Variants in SLC24A1 observed in about 807,000 individuals in gnomAD.
The protein encoded by SLC24A1 is solute carrier family 24 member 1.
In SLC24A1, 52 loss-of-function variants were observed where a neutral mutation model predicts 88.1. The ratio of observed to expected loss-of-function variants is 0.59; its 90% CI spans 0.47 to 0.74. The LOEUF (loss-of-function observed/expected upper bound fraction) is 0.74. Ranked by LOEUF, SLC24A1 falls within the 30% of genes least tolerant of loss-of-function variation. The probability of loss-of-function intolerance (pLI) is 0.00; values close to 1 mark genes in which losing one functional copy is unlikely to be tolerated. For missense variants in SLC24A1, 1,173 were observed against 1,363.3 expected, an observed-to-expected ratio of 0.86 and a Z score of 2.20; for synonymous variants, 455 against 498.0, an observed-to-expected ratio of 0.91 and a Z score of 1.15.
At chr15:65,615,613 G>A (rs1361133946) in intron 2 of SLC24A1, among the ~76,000 whole-genome samples, 1 of 152,000 alleles carries the variant, frequency 6.6e-6, no homozygotes, top group Non-Finnish European at 1.5e-5. Context: ...TCCGGGAGGT[G>A]GAGGTTGCAG....
intron 6 of SLC24A1, among the ~76,000 whole-genome samples, chr15:65,649,959 A>G (rs980667697): frequency 6.6e-6 from 1 of 152,216 alleles, no homozygotes; most frequent in Non-Finnish European, 1.5e-5. Flanking sequence ...TCACCAGGAT[A>G]GGGAGGAGGC....
chr15:65,653,687 T>C, intron 9 of SLC24A1, 143 bp from the exon 10 acceptor site: 2 of 810,532 alleles, frequency 2.5e-6, no homozygotes, highest in Non-Finnish European at 3.9e-6. Flanking sequence ...TTTCCTTGTC[T>C]GTGAAATGGG....
intron 6 of SLC24A1, among the ~76,000 whole-genome samples, chr15:65,646,071 C>T (rs754573711): frequency 3.9e-5 from 6 of 152,230 alleles, no homozygotes; most frequent in Non-Finnish European, 5.9e-5. Context: ...GAAGGCTTTC[C>T]AACCTTCTGA....
downstream of SLC24A1, chr15:65,659,147 T>C (rs1012927844): frequency 6.6e-5 from 10 of 152,086 alleles, no homozygotes; most frequent in African/African-American, 2.4e-4. Flanking sequence ...ACATGGTTTA[T>C]TGTCAACCAT....
intron 3 of SLC24A1, 52 bp from the exon 4 acceptor site, chr15:65,639,543 T>C (rs1260860634): frequency 1.7e-6 from 2 of 1,178,434 alleles, no homozygotes; most frequent in African/African-American, 3.2e-5. Context: ...CCTCGTGTGG[T>C]TCCTCCCCTG....
chr15:65,625,300 C>T lies in SLC24A1; in HGVS notation c.1220C>T (p.Pro407Leu), dbSNP rs370564324. 9.3e-6 allele frequency: 15 copies of T among 1,614,006 alleles called. No homozygotes were observed. The highest frequency in any genetic ancestry group is 2.7e-5 in the African/African-American group (2 of 75,048). The stretch of plus-strand genomic sequence containing the variant: ...CCAACCCCAGCCATGCTCACCACTC[C>T]CTCCCCAAGCCTCACAACAGCCCTG... ...VKPTPAMLTT[P>L]SPSLTTALLP... is the part of the protein sequence containing the mutation. Residue 407 changes from proline to leucine, a missense_variant, in exon 2 of 10, where the codon CCC becomes CTC. Physicochemically the swap from Pro to Leu is moderately conservative, Grantham distance 98 (BLOSUM62 -3). Transcript: ENST00000261892.
At chr15:65,644,086 C>A in intron 4 of SLC24A1, 1 of 284,682 alleles carries the variant, frequency 3.5e-6, no homozygotes, top group Non-Finnish European at 6.9e-6. Flanking sequence ...CCCAAGCAGG[C>A]CATCACTTGA....
downstream of SLC24A1, among the ~76,000 whole-genome samples, chr15:65,656,607 G>A (rs1190111352): frequency 1.3e-5 from 2 of 152,154 alleles, no homozygotes; most frequent in Non-Finnish European, 2.9e-5. Flanking sequence ...AGAATATTCT[G>A]TATATAGTTA....
chr15:65,654,121 A>G lies in SLC24A1; in HGVS notation c.*42A>G, dbSNP rs903197275. 4.4e-6 allele frequency: 7 copies of G among 1,588,062 alleles called. No individual in the cohort carries two copies. The African/African-American group carries it at 9.4e-5, about 21-fold the overall frequency. On this transcript the variant is annotated 3_prime_UTR_variant, in exon 10 of 10. Transcript: ENST00000261892. ...CACAATGGGCATGGATCAGAAGACC[A>G]TGCAGAAGTTACTGTATCTCTTGTG...
intron 9 of SLC24A1, among the ~76,000 whole-genome samples, chr15:65,653,616 C>T (rs892767300): frequency 5.3e-5 from 8 of 151,970 alleles, no homozygotes; most frequent in Non-Finnish European, 1.2e-4. Flanking sequence ...CAGTTTTAAC[C>T]TAAGCTCTTC....
rs115294400 is a variant in SLC24A1 at position 65,653,400 on chromosome 15, C to T, written c.3051-430C>T. On this transcript the variant is annotated intron_variant, in intron 9 of 9. Transcript: ENST00000261892. ...GAGGGGCAGCTAAAAAGGCAGCCCT[C>T]ATCACTAAAGAATTAAAAGAAATGT... is the stretch of plus-strand genomic sequence containing the variant. Among the ~76,000 whole-genome samples, 964 of 151,854 alleles carry T rather than the reference C, an allele frequency of 6.3e-3. 10 individuals are homozygous for T. Among genetic ancestry groups the T allele is most frequent in the African/African-American group, 0.022 (924 of 41,402 alleles).
At chr15:65,657,123 G>A (rs1056317232), downstream of SLC24A1, among the ~76,000 whole-genome samples, 4 of 151,956 alleles carry the variant, frequency 2.6e-5, no homozygotes, top group South Asian at 2.1e-4. Flanking sequence ...TGCCCGCCTC[G>A]GCCTCCCAAA....
At chr15:65,614,628 C>T (rs1386974363) in intron 2 of SLC24A1, among the ~76,000 whole-genome samples, 1 of 152,170 alleles carries the variant, frequency 6.6e-6, no homozygotes, top group Non-Finnish European at 1.5e-5. Flanking sequence ...TTTGAGAAAA[C>T]CGCAAAGCTG....
At chr15:65,660,319 T>C, downstream of SLC24A1, 1 of 1,534,280 alleles carries the variant, frequency 6.5e-7, no homozygotes, top group South Asian at 1.2e-5. Flanking sequence ...TGCTATTCAC[T>C]AATGGTGTGA....
chr15:65,640,650 C>T (rs2075094047), intron 4 of SLC24A1, among the ~76,000 whole-genome samples: 1 of 152,170 alleles, frequency 6.6e-6, no homozygotes, highest in Non-Finnish European at 1.5e-5. Context: ...TCCATTGAGT[C>T]CCAGGGAGCA....
intron 8 of SLC24A1, chr15:65,652,424 G>A: frequency 2.0e-6 from 1 of 490,474 alleles, no homozygotes; most frequent in South Asian, 3.2e-5. Flanking sequence ...GTGAAAAGAA[G>A]AGCAACATGG....
downstream of SLC24A1, among the ~76,000 whole-genome samples, chr15:65,657,044 AT>A (rs956750355): frequency 2.6e-5 from 4 of 151,648 alleles, no homozygotes; most frequent in African/African-American, 7.3e-5. Flanking sequence ...TGATTTTTGT[AT>A]TTTTTTGTAG....
chr15:65,627,217 A>G (rs1415570980), intron 2 of SLC24A1, among the ~76,000 whole-genome samples: 1 of 152,216 alleles, frequency 6.6e-6, no homozygotes, highest in Non-Finnish European at 1.5e-5. Flanking sequence ...TCTGCCTCTA[A>G]TGAATTGTGT....
chr15:65,631,123 G>A (rs1353468548), intron 2 of SLC24A1, among the ~76,000 whole-genome samples: 1 of 152,146 alleles, frequency 6.6e-6, no homozygotes. Context: ...TAGTTTAACA[G>A]TTTGTTGTTT....
Sources: gnomAD v4.1 joint callset for allele counts (sites outside exome capture counted in the v4.1 genomes callset) on GRCh38, gnomAD v4.1.1 for gene constraint, MANE v1.5 for transcripts, NCBI Gene and HGNC (gene_info 2026-07-23, HGNC 2026-07-21) for gene names.